FHIP1A: variants seen among roughly 807,000 people sequenced by gnomAD.
The protein encoded by FHIP1A is FHF complex subunit HOOK interacting protein 1A, also known as FHF complex subunit HOOK-interacting protein 1A.
Under a neutral mutation model 88.6 loss-of-function variants are expected in FHIP1A, and 61 were observed. That is an observed-to-expected ratio of 0.69 (90% confidence interval 0.56 to 0.85). FHIP1A has a LOEUF of 0.85. Ranked by LOEUF, FHIP1A falls within the 40% of genes least tolerant of loss-of-function variation. The probability of loss-of-function intolerance (pLI) is 0.00; values close to 1 mark genes in which losing one functional copy is unlikely to be tolerated. For synonymous variants in FHIP1A, 478 were observed against 496.0 expected, an observed-to-expected ratio of 0.96 and a Z score of 0.48; for missense variants, 1,154 against 1,273.5, an observed-to-expected ratio of 0.91 and a Z score of 1.43.
At chr4:151,501,759 T>C (rs1730655794) in intron 3 of FHIP1A, among the ~76,000 whole-genome samples, 1 of 151,854 alleles carries the variant, frequency 6.6e-6, no homozygotes, top group African/African-American at 2.4e-5. Context: ...TTTGCTTATT[T>C]TTTAATTGAA....
rs1737621929 is a variant in FHIP1A, at chr4:151,665,315, G to T, written c.*2561G>T. Among the ~76,000 whole-genome samples the T allele has an allele frequency of 6.6e-6, 1 of 152,206 alleles. No individual in the cohort carries two copies. The highest frequency in any genetic ancestry group is 6.5e-5 in the Admixed American group (1 of 15,282). On this transcript the variant is annotated 3_prime_UTR_variant, in exon 14 of 14. Transcript: ENST00000435205. ...CTTTAAATGAGGACAGAGATGACTG[G>T]TGTGTGCAGTGACAGGCAGGAGAAT...
intron 3 of FHIP1A, among the ~76,000 whole-genome samples, chr4:151,530,225 A>T (rs1486807377): frequency 1.3e-5 from 2 of 152,136 alleles, no homozygotes; most frequent in South Asian, 4.1e-4. Context: ...CCTGAAGTAG[A>T]TCCTGTCAGT....
chr4:151,622,654 ATGT>A (rs1735791729), intron 7 of FHIP1A, among the ~76,000 whole-genome samples: 1 of 152,038 alleles, frequency 6.6e-6, no homozygotes, highest in Admixed American at 6.6e-5. Flanking sequence ...CTGGTCAGTG[ATGT>A]TGTTTTTATT....
At chr4:151,648,533 A>G (rs1455663602) in intron 10 of FHIP1A, among the ~76,000 whole-genome samples, 10 of 152,134 alleles carry the variant, frequency 6.6e-5, no homozygotes, top group African/African-American at 2.4e-4. Flanking sequence ...TGAGGCTTGC[A>G]AAGATGTGGC....
Position 151,668,059 on chromosome 4 carries a change from G to C in FHIP1A, c.*5305G>C, listed in dbSNP as rs1737727449. Among the ~76,000 whole-genome samples, 1 of 152,160 alleles carries C rather than the reference G, an allele frequency of 6.6e-6. No individual in the cohort carries two copies. ...ATTTTAAAAGAGGGAATTTGGTGTT[G>C]ACAATCTTACTTACACGACTCTTGC... On this transcript the variant is annotated 3_prime_UTR_variant, in exon 14 of 14. Transcript: ENST00000435205.
chr4:151,505,626 C>T (rs1730808815), intron 3 of FHIP1A, among the ~76,000 whole-genome samples: 2 of 152,064 alleles, frequency 1.3e-5, no homozygotes, highest in Non-Finnish European at 2.9e-5. Flanking sequence ...TGAATGTTCA[C>T]AAAAAGAGAA....
At chr4:151,455,992 A>T (rs1444722044) in intron 2 of FHIP1A, among the ~76,000 whole-genome samples, 1 of 152,206 alleles carries the variant, frequency 6.6e-6, no homozygotes, top group African/African-American at 2.4e-5. Context: ...AACTTTGCCC[A>T]CACAGGTTTT....
At chr4:151,469,978 G>C (rs1417259092) in intron 2 of FHIP1A, among the ~76,000 whole-genome samples, 1 of 152,160 alleles carries the variant, frequency 6.6e-6, no homozygotes, top group Non-Finnish European at 1.5e-5. Context: ...GTTTGCTGTG[G>C]AAGAGTAGCA....
chr4:151,475,884 A>G (rs1406684268), intron 2 of FHIP1A, among the ~76,000 whole-genome samples: 3 of 146,458 alleles, frequency 2.0e-5, no homozygotes, highest in Non-Finnish European at 4.5e-5. Flanking sequence ...TTTTTTTGAG[A>G]CAGAGTCTCC....
intron 3 of FHIP1A, among the ~76,000 whole-genome samples, chr4:151,499,803 A>T (rs1246707081): frequency 6.6e-6 from 1 of 152,226 alleles, no homozygotes; most frequent in Non-Finnish European, 1.5e-5. Context: ...TAAAACCATC[A>T]GATATCATGA....
chr4:151,582,765 G>T (rs1474263336), intron 5 of FHIP1A, among the ~76,000 whole-genome samples: 1 of 152,200 alleles, frequency 6.6e-6, no homozygotes, highest in Non-Finnish European at 1.5e-5. Context: ...TTTTTTGTGT[G>T]TGTGGATGGG....
intron 7 of FHIP1A, among the ~76,000 whole-genome samples, chr4:151,596,023 A>G (rs1226729920): frequency 6.6e-6 from 1 of 152,164 alleles, no homozygotes; most frequent in Non-Finnish European, 1.5e-5. Context: ...GCCCATTTAC[A>G]TTTAAGGTTA....
At chr4:151,607,029 G>A (rs1193764844) in intron 7 of FHIP1A, among the ~76,000 whole-genome samples, 1 of 152,166 alleles carries the variant, frequency 6.6e-6, no homozygotes, top group Non-Finnish European at 1.5e-5. Context: ...CAGCAGTTGG[G>A]GAAGTTGGGG....
At chr4:151,422,207 TTA>T (rs1008564517) in intron 1 of FHIP1A, among the ~76,000 whole-genome samples, 75 of 142,894 alleles carry the variant, frequency 5.2e-4, no homozygotes, top group African/African-American at 1.8e-3. Context: ...TAACAAATAT[TTA>T]TGAGACATTA....
intron 3 of FHIP1A, among the ~76,000 whole-genome samples, chr4:151,521,663 G>A (rs561513134): frequency 3.3e-5 from 5 of 151,866 alleles, no homozygotes; most frequent in South Asian, 4.2e-4. Context: ...CTTCCTTTCC[G>A]GGTATGTCAG....
At chr4:151,549,372 A>G (rs1258998528) in intron 3 of FHIP1A, among the ~76,000 whole-genome samples, 1 of 151,796 alleles carries the variant, frequency 6.6e-6, no homozygotes, top group Non-Finnish European at 1.5e-5. Context: ...GGGGTTCACT[A>G]TATTTAACAT....
At chr4:151,499,664 ATTAAC>A (rs959954760) in intron 3 of FHIP1A, among the ~76,000 whole-genome samples, 1 of 152,224 alleles carries the variant, frequency 6.6e-6, no homozygotes, top group African/African-American at 2.4e-5. Flanking sequence ...AAGAGGTTTA[ATTAAC>A]TTAGAGTTCA....
chr4:151,431,233 T>C (rs1370659649), intron 1 of FHIP1A, among the ~76,000 whole-genome samples: 1 of 152,112 alleles, frequency 6.6e-6, no homozygotes, highest in Non-Finnish European at 1.5e-5. Context: ...CAGTCAATCC[T>C]GACTGTGGTT....
At chr4:151,511,039 G>C (rs1272676844) in intron 3 of FHIP1A, among the ~76,000 whole-genome samples, 3 of 152,210 alleles carry the variant, frequency 2.0e-5, no homozygotes, top group Admixed American at 6.5e-5. Context: ...CTGTGGTAGA[G>C]TTACTTACAG....
Sources: allele counts gnomAD v4.1 joint callset (sites outside exome capture counted in the v4.1 genomes callset), GRCh38; gene constraint gnomAD v4.1.1; transcripts MANE v1.5; gene names NCBI Gene and HGNC (gene_info 2026-07-23, HGNC 2026-07-21).